The following NBAS variants were observed in gnomAD, a reference collection of about 807,000 sequenced individuals.
The protein encoded by NBAS is NBAS subunit of NRZ tethering complex.
In NBAS, 219 loss-of-function variants were observed where a neutral mutation model predicts 302.5. The ratio of observed to expected loss-of-function variants is 0.72; its 90% confidence interval spans 0.65 to 0.81. The LOEUF is 0.81. Among genes scored for constraint, NBAS ranks in the 30% least tolerant of loss-of-function variants. NBAS has a pLI of 0.00. For synonymous variants in NBAS, 1,118 were observed against 1,021.6 expected (o/e 1.09, Z -1.80); for missense variants, 2,932 against 2,841.6 (o/e 1.03, Z -0.72).
At chr2:15,109,433 C>T in the NBAS span, among the ~76,000 whole-genome samples, 2 of 152,130 alleles carry the variant, frequency 1.3e-5, no homozygotes, top group African/African-American at 4.8e-5. Flanking sequence ...CCATGGGACA[C>T]TCAAATGAAG....
the NBAS span, among the ~76,000 whole-genome samples, chr2:14,825,439 A>ATTTCAGCTC: frequency 6.6e-6 from 1 of 152,154 alleles, no homozygotes; most frequent in Non-Finnish European, 1.5e-5. Flanking sequence ...TAGACAGAAA[A>ATTTCAGCTC]TTTCACCAGA....
downstream of NBAS, among the ~76,000 whole-genome samples, chr2:15,162,745 T>C (rs953260721): frequency 6.6e-6 from 1 of 152,224 alleles, no homozygotes; most frequent in Non-Finnish European, 1.5e-5. Context: ...TTTCAAGCTC[T>C]GGAACACCCA....
chr2:14,822,984 G>A, the NBAS span, among the ~76,000 whole-genome samples: 1 of 152,154 alleles, frequency 6.6e-6, no homozygotes. Context: ...CAGACCCAGG[G>A]TTTGAACCCA....
the NBAS span, among the ~76,000 whole-genome samples, chr2:14,780,603 T>C: frequency 1.3e-5 from 2 of 152,246 alleles, no homozygotes; most frequent in Non-Finnish European, 2.9e-5. Flanking sequence ...AATAGCTAGT[T>C]GTACCTTCTT....
At chr2:15,555,866 A>G (rs576279185) in intron 3 of NBAS, among the ~76,000 whole-genome samples, 4 of 152,306 alleles carry the variant, frequency 2.6e-5, no homozygotes, top group Non-Finnish European at 5.9e-5. Context: ...AGAATTATCA[A>G]GCAGCAACCT....
At chr2:14,917,925 C>A in the NBAS span, among the ~76,000 whole-genome samples, 1 of 152,130 alleles carries the variant, frequency 6.6e-6, no homozygotes, top group East Asian at 1.9e-4. Context: ...AAATTTGTGA[C>A]CTTGTCAGAT....
Position 15,267,043 on chromosome 2 carries a change from T to C in NBAS, c.5724+8441A>G, listed in dbSNP as rs567807895. Among the ~76,000 whole-genome samples the C allele has an allele frequency of 3.9e-5, 6 of 152,354 alleles. No individual in the cohort carries two copies. The South Asian group carries it at 8.3e-4, about 21-fold the overall frequency. On this transcript the variant is annotated intron_variant, in intron 44 of 51. Transcript: ENST00000281513. ...CACAATGACATCTTACAAAAAGCCA[T>C]ATCAATTTTAATATATACCAAATCA...
chr2:15,353,515 G>A (rs949465466), intron 34 of NBAS, 38 bp downstream of exon 34: 46 of 1,611,842 alleles, frequency 2.9e-5, no homozygotes, highest in Middle Eastern at 1.6e-4. Flanking sequence ...CAACATGGAC[G>A]TCATACAGGT....
chr2:14,786,193 C>T, the NBAS span, among the ~76,000 whole-genome samples: 1 of 151,960 alleles, frequency 6.6e-6, no homozygotes, highest in Non-Finnish European at 1.5e-5. Flanking sequence ...TTTATTGTGT[C>T]TGTTTGATTC....
At chr2:15,179,356 T>G in intron 50 of NBAS, 1 of 530,800 alleles carries the variant, frequency 1.9e-6, no homozygotes, top group Non-Finnish European at 3.4e-6. Flanking sequence ...TGCTTTTTAA[T>G]GGCTTTGTAA....
the NBAS span, among the ~76,000 whole-genome samples, chr2:15,143,273 T>C: frequency 6.6e-6 from 1 of 152,316 alleles, no homozygotes; most frequent in Non-Finnish European, 1.5e-5. Flanking sequence ...TAGAGGCTCA[T>C]TGAGCCCGTG....
chr2:15,515,239 A>T (rs1267379114), intron 9 of NBAS, among the ~76,000 whole-genome samples: 1 of 88,306 alleles, frequency 1.1e-5, no homozygotes, highest in Admixed American at 1.1e-4. Flanking sequence ...TCTCTAAAAC[A>T]GAAAAAAAAA....
intron 8 of NBAS, among the ~76,000 whole-genome samples, chr2:15,535,336 A>T (rs544771578): frequency 1.3e-5 from 2 of 152,170 alleles, no homozygotes; most frequent in South Asian, 4.1e-4. Context: ...CCTGACTAAC[A>T]TGATGAAACC....
chr2:14,951,799 T>C, the NBAS span, among the ~76,000 whole-genome samples: 1 of 152,334 alleles, frequency 6.6e-6, no homozygotes, highest in East Asian at 1.9e-4. Context: ...AACTGGGTAA[T>C]TGACATGGGA....
chr2:14,796,802 C>A, the NBAS span, among the ~76,000 whole-genome samples: 52 of 151,554 alleles, frequency 3.4e-4, no homozygotes, highest in Non-Finnish European at 5.6e-4. Flanking sequence ...CAAATGTTGC[C>A]TTTTCCATGG....
chr2:14,868,759 C>A, the NBAS span, among the ~76,000 whole-genome samples: 6 of 152,184 alleles, frequency 3.9e-5, no homozygotes, highest in Non-Finnish European at 7.3e-5. Context: ...TCCAACACCC[C>A]TTTCTTCCTT....
the NBAS span, among the ~76,000 whole-genome samples, chr2:15,080,205 G>A: frequency 6.6e-6 from 1 of 152,202 alleles, no homozygotes; most frequent in African/African-American, 2.4e-5. Context: ...ATGGCTGAAA[G>A]AAGACAGTCC....
At chr2:15,235,138 G>A (rs753328405) in intron 45 of NBAS, among the ~76,000 whole-genome samples, 19 of 152,118 alleles carry the variant, frequency 1.2e-4, no homozygotes, top group Admixed American at 3.3e-4. Context: ...AACGCACTAC[G>A]ACCACATAAT....
At chr2:15,061,309 C>A in the NBAS span, among the ~76,000 whole-genome samples, 1 of 152,190 alleles carries the variant, frequency 6.6e-6, no homozygotes, top group Non-Finnish European at 1.5e-5. Flanking sequence ...ACCTGCATCC[C>A]AGGTTTGGGG....
Sources: gnomAD v4.1 joint callset for allele counts (sites outside exome capture counted in the v4.1 genomes callset) on GRCh38, gnomAD v4.1.1 for gene constraint, MANE v1.5 for transcripts, NCBI Gene and HGNC (gene_info 2026-07-23, HGNC 2026-07-21) for gene names.